The following NCOR2 variants were observed in gnomAD, a reference collection of about 807,000 sequenced individuals.
NCOR2 encodes the protein CTG repeat protein 26.
NCOR2 carries 81 observed loss-of-function variants against 262.9 expected under a neutral mutation model. The ratio of observed to expected loss-of-function variants is 0.31; its 90% CI spans 0.26 to 0.37. The LOEUF (loss-of-function observed/expected upper bound fraction) is 0.37. Among genes scored for constraint, NCOR2 ranks in the 10% least tolerant of loss-of-function variants. NCOR2 has a pLI of 1.00. For synonymous variants in NCOR2, 1,659 were observed against 1,559.3 expected, an observed-to-expected ratio of 1.06 and a Z score of -1.51; for missense variants, 3,385 against 3,621.4, an observed-to-expected ratio of 0.93 and a Z score of 1.68.
chr12:124,392,280 C>G (rs1455704965), intron 16 of NCOR2, among the ~76,000 whole-genome samples: 1 of 152,182 alleles, frequency 6.6e-6, no homozygotes, highest in Non-Finnish European at 1.5e-5. Context: ...GCCCCTGTGT[C>G]TGGCTGTACC....
Position 124,363,752 on chromosome 12 carries a change from CG to C in NCOR2, c.2854del (p.Arg952GlyfsTer12). ...TGGCTTCTGGGGTGAGGCATTGGCC[CG>C]GGGGTCGCCAGTCGGGGTGAGGAGG... On this transcript the variant is annotated frameshift_variant, in exon 21 of 47. Coordinates refer to ENST00000405201, the Ensembl canonical transcript of NCOR2. LOFTEE classifies it high-confidence loss of function. 7.2e-6 allele frequency: 10 copies of C among 1,386,146 alleles called. No individual in the cohort carries two copies. Among genetic ancestry groups the C allele is most frequent in the South Asian group, 1.9e-5 (1 of 53,280 alleles). The allele number at this position is 1,386,146 out of a possible 1,614,324, so 85.9% of individuals were successfully genotyped here. A position where few individuals can be genotyped will look rare whatever the true frequency, so the allele number is the denominator to read the frequency against.
rs558285815 is a variant in NCOR2, at chr12:124,480,306, G to A, written c.411+3290C>T. Among the ~76,000 whole-genome samples, 11 of 152,286 alleles carry A rather than the reference G, an allele frequency of 7.2e-5. No individual in the cohort carries two copies. The South Asian group carries it at 8.3e-4, about 11-fold the overall frequency. ...GGAGGGGCCCGTGTCACAGCTGGCCGGGCACCAGGCTACAACAAGGATTAG... is the reference window on the plus strand; with the variant it reads ...GGAGGGGCCCGTGTCACAGCTGGCCAGGCACCAGGCTACAACAAGGATTAG... On this transcript the variant is annotated intron_variant, in intron 3 of 46. Coordinates refer to ENST00000405201, the Ensembl canonical transcript of NCOR2.
chr12:124,430,332 G>A (rs1000455503), intron 9 of NCOR2, among the ~76,000 whole-genome samples: 3 of 152,208 alleles, frequency 2.0e-5, no homozygotes, highest in African/African-American at 7.2e-5. Context: ...AAACTCAGCT[G>A]CCTTCAGGGG....
chr12:124,395,715 G>A (rs918607506), intron 16 of NCOR2, among the ~76,000 whole-genome samples: 1 of 152,158 alleles, frequency 6.6e-6, no homozygotes, highest in Non-Finnish European at 1.5e-5. Context: ...GGTGGTCACC[G>A]GTGAGGAGGT....
At chr12:124,449,839 C>G in exon 7 of NCOR2, 3 of 1,614,062 alleles carry the variant, frequency 1.9e-6, no homozygotes, top group African/African-American at 1.3e-5. Context: ...ATGATACTGC[C>G]GGGTGTCGGA....
At chr12:124,435,123 C>G (rs1593525010) in intron 8 of NCOR2, among the ~76,000 whole-genome samples, 1 of 152,188 alleles carries the variant, frequency 6.6e-6, no homozygotes, top group East Asian at 1.9e-4. Flanking sequence ...TTGCTATGCC[C>G]TCTGCCTGAC....
At chr12:124,475,149 G>A (rs1288756943) in intron 3 of NCOR2, among the ~76,000 whole-genome samples, 2 of 152,156 alleles carry the variant, frequency 1.3e-5, no homozygotes, top group Non-Finnish European at 2.9e-5. Flanking sequence ...AAGGACAGCA[G>A]GGGCCTGGAC....
At chr12:124,532,523 A>G (rs1420247902) in intron 1 of NCOR2, among the ~76,000 whole-genome samples, 1 of 152,148 alleles carries the variant, frequency 6.6e-6, no homozygotes, top group Non-Finnish European at 1.5e-5. Context: ...TCAGCAGGGG[A>G]GGAGGAGGCC....
intron 6 of NCOR2, among the ~76,000 whole-genome samples, chr12:124,451,204 G>A (rs970299375): frequency 6.6e-6 from 1 of 152,252 alleles, no homozygotes; most frequent in African/African-American, 2.4e-5. Flanking sequence ...AACCCAGCCT[G>A]GGCTGATCTA....
At chr12:124,344,030 G>A (rs2036695392) in intron 32 of NCOR2, among the ~76,000 whole-genome samples, 1 of 152,234 alleles carries the variant, frequency 6.6e-6, no homozygotes, top group African/African-American at 2.4e-5. Context: ...AGACCTGAGG[G>A]ATGGAAAGAA....
intron 1 of NCOR2, among the ~76,000 whole-genome samples, chr12:124,555,240 C>T (rs1426847077): frequency 1.3e-5 from 2 of 152,192 alleles, no homozygotes; most frequent in African/African-American, 4.8e-5. Flanking sequence ...CAGCTCAGGG[C>T]CCTCTCTGGA....
chr12:124,547,952 C>CAT (rs1166525022), intron 1 of NCOR2, among the ~76,000 whole-genome samples: 1 of 152,008 alleles, frequency 6.6e-6, no homozygotes, highest in East Asian at 1.9e-4. Flanking sequence ...TATATAACAA[C>CAT]ATATATATAA....
At chr12:124,357,142 GGTCT>G (rs1168983226) in intron 22 of NCOR2, among the ~76,000 whole-genome samples, 1 of 152,192 alleles carries the variant, frequency 6.6e-6, no homozygotes. Context: ...TATCTCAGAG[GGTCT>G]GTCTGCCCCC....
intron 1 of NCOR2, among the ~76,000 whole-genome samples, chr12:124,560,326 A>C (rs1226963036): frequency 6.6e-6 from 1 of 152,292 alleles, no homozygotes; most frequent in East Asian, 1.9e-4. Context: ...TAAATGAGTG[A>C]GCGTGGCTGC....
rs746285912 is a variant in NCOR2, at chr12:124,372,575, G to C, written c.2254C>G (p.Pro752Ala). Reference sequence around the variant, plus strand: ...TTGGCGGCCTCAGTGTGAGGAGAGGGGATGCTCTCGGTGTCTGAGCTGTTG... The same window carrying C: ...TTGGCGGCCTCAGTGTGAGGAGAGGCGATGCTCTCGGTGTCTGAGCTGTTG... The change falls in exon 20 of 47, where the codon CCC becomes GCC. Residue 752 changes from proline to alanine, a missense_variant. This residue lies in a region of NCOR2 where 1,615 missense variants were observed against 1,626.9 expected (regional missense o/e 0.99). Coordinates refer to ENST00000405201, the Ensembl canonical transcript of NCOR2. The C allele has an allele frequency of 4.1e-5, 66 of 1,598,308 alleles. No homozygotes were observed. Among genetic ancestry groups the C allele is most frequent in the Non-Finnish European group, 5.6e-5 (66 of 1,179,622 alleles).
At chr12:124,426,544 G>T in intron 11 of NCOR2, 78 bp downstream of exon 13, 2 of 1,361,278 alleles carry the variant, frequency 1.5e-6, no homozygotes, top group Non-Finnish European at 2.0e-6. Flanking sequence ...ATTTGTGGTG[G>T]CTGCCGGGAG....
chr12:124,530,283 C>T (rs1303040419), intron 1 of NCOR2: 4 of 115,706 alleles, frequency 3.5e-5, no homozygotes, highest in Non-Finnish European at 5.3e-5. Flanking sequence ...TACCTCTAGT[C>T]GGGGGTGGGG....
intron 37 of NCOR2, 106 bp downstream of exon 39, chr12:124,339,900 C>CCCCCACCCCCCCTAT: frequency 9.1e-6 from 6 of 659,508 alleles, no homozygotes; most frequent in Admixed American, 5.3e-5. Flanking sequence ...TCTGCCCACC[C>CCCCCACCCCCCCTAT]ACCCACCTCC....
intron 5 of NCOR2, among the ~76,000 whole-genome samples, chr12:124,458,097 C>G (rs1192293740): frequency 2.0e-5 from 3 of 152,242 alleles, no homozygotes; most frequent in African/African-American, 7.2e-5. Flanking sequence ...TGTGACTCAG[C>G]TGCATTGGGG....
Sources: allele counts gnomAD v4.1 joint callset (sites outside exome capture counted in the v4.1 genomes callset), GRCh38; gene constraint gnomAD v4.1.1; regional missense constraint gnomAD v4.1.1; transcripts MANE v1.5; gene names NCBI Gene and HGNC (gene_info 2026-07-23, HGNC 2026-07-21).